The following URB2 variants were observed in gnomAD, a reference collection of about 807,000 sequenced individuals.
URB2 encodes the protein unhealthy ribosome biogenesis protein 2 homolog.
In URB2, 86 loss-of-function variants were observed where a neutral mutation model predicts 120.9. The ratio of observed to expected loss-of-function variants is 0.71; its 90% CI spans 0.60 to 0.85. The LOEUF (loss-of-function observed/expected upper bound fraction) is 0.85. URB2 is among the 40% of genes least tolerant of loss of function. The pLI, the probability that URB2 is intolerant of heterozygous loss-of-function variation, is 0.00. For missense variants in URB2, 1,765 were observed against 1,836.5 expected (o/e 0.96, Z 0.71); for synonymous variants, 755 against 758.4 (o/e 1.00, Z 0.07).
intron 2 of URB2, among the ~76,000 whole-genome samples, chr1:229,628,359 T>TGA: frequency 6.7e-6 from 1 of 149,952 alleles, no homozygotes; most frequent in East Asian, 1.9e-4. Context: ...AGTTTGAGGC[T>TGA]GCAATGAGCT....
At position 229,659,274 on chromosome 1, in the gene URB2, G is replaced by A; in HGVS notation, c.4552G>A (p.Gly1518Arg). The change falls in exon 10 of 10, where the codon GGA (glycine) becomes AGA (arginine). Residue 1518 changes from glycine to arginine, a missense_variant. Physicochemically the swap from Gly to Arg is moderately radical, Grantham distance 125. Transcript: ENST00000258243. ...CAAGTACCACAAGGCCAAACATGAA[G>A]GAGAGAAAAGATATACGGCCTAAGG... ...YLKYHKAKHE[G>R]EKRYTA is the part of the protein sequence containing the mutation. The A allele has an allele frequency of 6.2e-7, 1 of 1,613,950 alleles. No homozygotes were observed. Among genetic ancestry groups the A allele is most frequent in the Non-Finnish European group, 8.5e-7 (1 of 1,180,016 alleles).
chr1:229,637,625 C>A lies in URB2; in HGVS notation c.3012C>A (p.Phe1004Leu). ...WLEFLQVIGT[F>L]LEELMQMLIQ... The stretch of plus-strand genomic sequence containing the variant: ...AATTCCTCCAAGTGATAGGGACGTT[C>A]TTAGAGGAGCTAATGCAGATGCTCA... The change falls in exon 4 of 10, where the codon TTC (phenylalanine) becomes TTA (leucine). Residue 1004 changes from phenylalanine (F) to leucine (L), a missense_variant. By Grantham distance (22) the Phe-to-Leu change is conservative. Coordinates refer to ENST00000258243, the MANE Select transcript of URB2 (RefSeq NM_014777.4). 6.2e-7 allele frequency: 1 copy of A among 1,614,176 alleles called. No homozygotes were observed. Among genetic ancestry groups the A allele is most frequent in the Non-Finnish European group, 8.5e-7 (1 of 1,180,020 alleles).
chr1:229,632,206 A>G, intron 2 of URB2, 63 bp from the exon 3 acceptor site: 4 of 1,434,086 alleles, frequency 2.8e-6, no homozygotes, highest in Non-Finnish European at 3.7e-6. Flanking sequence ...TGTCCCTATA[A>G]TGTCTAACAT....
intron 9 of URB2, among the ~76,000 whole-genome samples, chr1:229,658,324 T>C (rs1434614062): frequency 6.6e-6 from 1 of 152,100 alleles, no homozygotes; most frequent in Non-Finnish European, 1.5e-5. Context: ...GGGTGGAGCA[T>C]CAGATACAGC....
intron 9 of URB2, among the ~76,000 whole-genome samples, chr1:229,658,702 T>A (rs111523349): frequency 4.6e-5 from 7 of 152,268 alleles, no homozygotes; most frequent in African/African-American, 1.7e-4. Flanking sequence ...CCAAGGTGAT[T>A]GACGGTGTAG....
intron 4 of URB2, among the ~76,000 whole-genome samples, chr1:229,642,986 A>G (rs938183414): frequency 3.3e-5 from 5 of 152,364 alleles, no homozygotes; most frequent in Admixed American, 6.5e-5. Context: ...GTATTTATGT[A>G]TTATATTCTT....
rs768764374 is a variant in URB2, at chr1:229,637,150, A to G, written c.2537A>G (p.His846Arg). 1 of 1,613,758 alleles carries G rather than the reference A, an allele frequency of 6.2e-7. No homozygotes were observed. ...CTTCCCTGGCTTTTTGAAAAGGACC[A>G]CATGGTTGTGGGTCATTGGGAAAAC... ...QQLPWLFEKDHMVVGHWENRF... is the reference protein window; with the variant it reads ...QQLPWLFEKDRMVVGHWENRF... Residue 846 changes from histidine to arginine, a missense_variant, in exon 4 of 10, where the codon CAC (histidine) becomes CGC (arginine). Transcript: ENST00000258243.
Position 229,643,537 on chromosome 1 carries a change from T to G in URB2, c.3639T>G (p.Pro1213=). The change falls in exon 5 of 10, where the codon CCT becomes CCG. Residue 1213 remains proline (P), a synonymous_variant. Transcript: ENST00000258243. ...TTTGGTTTCTTTCCCACACAGATCC[T>G]GAAATTCCTGTTCAGGTCACTCAGG... is the stretch of plus-strand genomic sequence containing the variant. The part of the protein sequence containing the change: ...FHSVRRVLAD[P]EIPVQVTQDI... The G allele has an allele frequency of 6.2e-7, 1 of 1,614,104 alleles. No homozygotes were observed. Among genetic ancestry groups the G allele is most frequent in the Non-Finnish European group, 8.5e-7 (1 of 1,180,008 alleles).
chr1:229,647,691 A>T lies in URB2; in HGVS notation c.4088A>T (p.Tyr1363Phe). 1 of 1,614,130 alleles carries T rather than the reference A, an allele frequency of 6.2e-7. No individual in the cohort carries two copies. The highest frequency in any genetic ancestry group is 8.5e-7 in the Non-Finnish European group (1 of 1,180,018). Residue 1363 changes from tyrosine (Y) to phenylalanine (F), a missense_variant, in exon 7 of 10, where the codon TAT becomes TTT. Physicochemically the swap from Tyr to Phe is conservative, Grantham distance 22 (BLOSUM62 3). Coordinates refer to ENST00000258243, the MANE Select transcript of URB2 (RefSeq NM_014777.4). The stretch of plus-strand genomic sequence containing the variant: ...TTGGACCATCTGAAGCCGCTGGAGT[A>T]TGGAAGCGTCTTCCCGAGGCTGCAC... ...VPLDHLKPLEYGSVFPRLHNV... is the reference protein window; with the variant it reads ...VPLDHLKPLEFGSVFPRLHNV...
Position 229,659,306 on chromosome 1 carries a change from G to C in URB2, c.*9G>C. The C allele has an allele frequency of 6.2e-7, 1 of 1,613,202 alleles. No homozygotes were observed. The highest frequency in any genetic ancestry group is 8.5e-7 in the Non-Finnish European group (1 of 1,179,600). ...AAAGATATACGGCCTAAGGCTATGG[G>C]ACAGAAGTGCCGCCAGTGACACTGT... On this transcript the variant is annotated 3_prime_UTR_variant, in exon 10 of 10. Coordinates refer to ENST00000258243, the MANE Select transcript of URB2 (RefSeq NM_014777.4).
At chr1:229,656,270 A>C (rs753666106) in intron 9 of URB2, among the ~76,000 whole-genome samples, 35 of 152,352 alleles carry the variant, frequency 2.3e-4, no homozygotes, top group Admixed American at 1.3e-3. Flanking sequence ...AGACATAGTA[A>C]TATCACTTCA....
intron 8 of URB2, 43 bp downstream of exon 8, chr1:229,651,365 C>T (rs781522489): frequency 1.3e-6 from 2 of 1,561,510 alleles, no homozygotes; most frequent in Non-Finnish European, 8.7e-7. Context: ...ATATATTCAT[C>T]ATGAGGTGTG....
Position 229,648,211 on chromosome 1 carries a change from G to A in URB2, c.4149+459G>A, listed in dbSNP as rs572432799. Among the ~76,000 whole-genome samples the A allele has an allele frequency of 2.7e-4, 41 of 152,284 alleles. No individual in the cohort carries two copies. In the South Asian group the frequency reaches 7.9e-3, roughly 29 times the overall value. ...GCTATGTGTATAAACTATATAAAGT[G>A]AAACATAAATGAACTTTTAAATTAT... On this transcript the variant is annotated intron_variant, in intron 7 of 9. Coordinates refer to ENST00000258243, the MANE Select transcript of URB2 (RefSeq NM_014777.4).
intron 5 of URB2, 150 bp downstream of exon 5, chr1:229,643,843 C>A: frequency 8.9e-7 from 1 of 1,121,148 alleles, no homozygotes. Context: ...TGAGAGGGAG[C>A]CCTGGCCTGT....
Position 229,637,045 on chromosome 1 carries a change from T to C in URB2, c.2432T>C (p.Phe811Ser), listed in dbSNP as rs754746904. The change falls in exon 4 of 10, where the codon TTC becomes TCC. Residue 811 changes from phenylalanine (F) to serine (S), a missense_variant. By Grantham distance (155) the Phe-to-Ser change is radical (BLOSUM62 -2). Coordinates refer to ENST00000258243, the MANE Select transcript of URB2 (RefSeq NM_014777.4). ...FPEMQSLHSA[F>S]LTCVTTSCSS... ...GAGATGCAGTCCCTTCATTCTGCTTTCTTAACGTGCGTAACCACAAGTTGC... is the reference window on the plus strand; with the variant it reads ...GAGATGCAGTCCCTTCATTCTGCTTCCTTAACGTGCGTAACCACAAGTTGC... The C allele has an allele frequency of 6.2e-7, 1 of 1,613,962 alleles. No individual in the cohort carries two copies. Among genetic ancestry groups the C allele is most frequent in the African/African-American group, 1.3e-5 (1 of 74,936 alleles).
chr1:229,637,090 G>A lies in URB2; in HGVS notation c.2477G>A (p.Gly826Asp). 1 of 1,613,606 alleles carries A rather than the reference G, an allele frequency of 6.2e-7. No individual in the cohort carries two copies. Among genetic ancestry groups the A allele is most frequent in the Non-Finnish European group, 8.5e-7 (1 of 1,179,752 alleles). Reference sequence around the variant, plus strand: ...AGTTGCTCCAGCATTCTGTGTTCTGGTGCCCAGCGTGACTCAGGTCTTGTC... The same window carrying A: ...AGTTGCTCCAGCATTCTGTGTTCTGATGCCCAGCGTGACTCAGGTCTTGTC... ...TTSCSSILCS[G>D]AQRDSGLVSQ... The change falls in exon 4 of 10, where the codon GGT (glycine) becomes GAT (aspartate). Residue 826 changes from glycine (G) to aspartate (D), a missense_variant. Coordinates refer to ENST00000258243, the MANE Select transcript of URB2 (RefSeq NM_014777.4).
chr1:229,630,982 C>CAAAAAAAAA (rs57940336), intron 2 of URB2, among the ~76,000 whole-genome samples: 1 of 65,100 alleles, frequency 1.5e-5, no homozygotes, highest in Non-Finnish European at 2.8e-5. Flanking sequence ...AACTCCGTCT[C>CAAAAAAAAA]AAAAAAAAAA....
Position 229,639,155 on chromosome 1 carries a change from C to T in URB2, c.3634+908C>T, listed in dbSNP as rs560295799. Among the ~76,000 whole-genome samples the T allele has an allele frequency of 1.4e-3, 208 of 151,950 alleles. 4 individuals are homozygous for T. The highest frequency in any genetic ancestry group is 4.7e-3 in the African/African-American group (193 of 41,436). ...ACAAAAAATACAAAAATTGGCCAGG[C>T]ATGGTGGCATGCGTCTGTAGTCCCA... On this transcript the variant is annotated intron_variant, in intron 4 of 9. Coordinates refer to ENST00000258243, the MANE Select transcript of URB2 (RefSeq NM_014777.4).
At chr1:229,629,392 C>G (rs1227837301) in intron 2 of URB2, among the ~76,000 whole-genome samples, 1 of 152,186 alleles carries the variant, frequency 6.6e-6, no homozygotes, top group Non-Finnish European at 1.5e-5. Flanking sequence ...GTATTTCTAA[C>G]TTTTAGAACT....
Sources: gnomAD v4.1 joint callset for allele counts (sites outside exome capture counted in the v4.1 genomes callset) on GRCh38, gnomAD v4.1.1 for gene constraint, MANE v1.5 for transcripts, NCBI Gene and HGNC (gene_info 2026-07-23, HGNC 2026-07-21) for gene names.